IGSF10: variants seen among roughly 807,000 people sequenced by gnomAD.
The protein encoded by IGSF10 is calvaria mechanical force protein 608.
In IGSF10, 126 loss-of-function variants were observed where a neutral mutation model predicts 128.2. The ratio of observed to expected loss-of-function variants is 0.98; its 90% CI spans 0.85 to 1.14. The LOEUF (loss-of-function observed/expected upper bound fraction) is 1.14. Among genes scored for constraint, IGSF10 ranks in the 50% most tolerant of loss-of-function variants. The pLI, the probability that IGSF10 is intolerant of heterozygous loss-of-function variation, is 0.00. For synonymous variants in IGSF10, 1,185 were observed against 1,146.2 expected (o/e 1.03, Z -0.68); for missense variants, 3,295 against 3,149.8 (o/e 1.05, Z -1.10).
intron 4 of IGSF10, 82 bp downstream of exon 4, chr3:151,456,944 T>C: frequency 1.5e-6 from 2 of 1,377,014 alleles, no homozygotes; most frequent in Admixed American, 1.9e-5. Flanking sequence ...TCGTATTGTG[T>C]AGAGATAGGC....
the IGSF10 span, among the ~76,000 whole-genome samples, chr3:151,509,779 A>C: frequency 6.6e-6 from 1 of 152,188 alleles, no homozygotes; most frequent in Non-Finnish European, 1.5e-5. Flanking sequence ...TCCCACCCTA[A>C]TACTGCACTT....
chr3:151,518,171 G>T, the IGSF10 span, among the ~76,000 whole-genome samples: 8 of 151,948 alleles, frequency 5.3e-5, no homozygotes, highest in Admixed American at 1.3e-4. Context: ...AGTTTATACA[G>T]ACTGTAGTCA....
chr3:151,603,336 T>C, the IGSF10 span, among the ~76,000 whole-genome samples: 1 of 152,188 alleles, frequency 6.6e-6, no homozygotes, highest in African/African-American at 2.4e-5. Flanking sequence ...AACCTATTCA[T>C]GGGGTGGTTG....
At chr3:151,463,633 A>G (rs539875033), upstream of IGSF10, among the ~76,000 whole-genome samples, 3 of 125,698 alleles carry the variant, frequency 2.4e-5, no homozygotes, top group South Asian at 7.9e-4. Context: ...CACAACCTCC[A>G]CTTTCTGGGT....
chr3:151,445,508 C>T lies in IGSF10; in HGVS notation c.4473G>A (p.Ala1491=), dbSNP rs773444045. The change falls in exon 6 of 8, where the codon GCG becomes GCA. Residue 1491 remains alanine, a synonymous_variant. Coordinates refer to ENST00000282466, the MANE Select transcript of IGSF10 (RefSeq NM_178822.5). ...TTGTCATAAGCCCGGAAATGGGAGT[C>T]GCCACGTTGTCAGTAACTGCTCTCT... ...FTQRAVTDNV[A]TPISGLMTNT... 10 of 1,613,982 alleles carry T rather than the reference C, an allele frequency of 6.2e-6. No individual in the cohort carries two copies. The highest frequency in any genetic ancestry group is 3.3e-5 in the Admixed American group (2 of 59,986).
At chr3:151,605,020 A>G in the IGSF10 span, among the ~76,000 whole-genome samples, 4 of 152,214 alleles carry the variant, frequency 2.6e-5, no homozygotes, top group Non-Finnish European at 5.9e-5. Context: ...CATCTAACAC[A>G]TGTATTTTCT....
upstream of IGSF10, among the ~76,000 whole-genome samples, chr3:151,464,358 C>T (rs1482116137): frequency 1.3e-5 from 2 of 152,154 alleles, no homozygotes; most frequent in Non-Finnish European, 1.5e-5. Context: ...ACATCTTCTT[C>T]ACCTTTTATA....
chr3:151,558,010 A>ATATATAT, the IGSF10 span, among the ~76,000 whole-genome samples: 4 of 25,696 alleles, frequency 1.6e-4, no homozygotes, highest in East Asian at 1.3e-3. Context: ...TATATAATAT[A>ATATATAT]TATATATAAT....
chr3:151,513,907 C>T, the IGSF10 span, among the ~76,000 whole-genome samples: 70,607 of 151,900 alleles, frequency 0.46, 16,764 homozygotes, highest in South Asian at 0.58. Context: ...AGGAATCCAA[C>T]TTACAAGGAA....
At chr3:151,528,631 A>T in the IGSF10 span, among the ~76,000 whole-genome samples, 3 of 152,282 alleles carry the variant, frequency 2.0e-5, no homozygotes, top group South Asian at 6.2e-4. Context: ...TAGCCAAGGG[A>T]AGCCATGAGA....
At position 151,438,177 on chromosome 3, in the gene IGSF10, A is replaced by T. The variant is rs762243774; in HGVS notation, c.6384T>A (p.Asp2128Glu). Reference protein sequence around the residue: ...TCYAQNTLGKDEMKVHLTVIT... With the variant: ...TCYAQNTLGKEEMKVHLTVIT... ...TAACTGTTAAGTGGACCTTCATTTC[A>T]TCTTTCCCTAGGGTGTTCTGGGCAT... The change falls in exon 8 of 8, where the codon GAT becomes GAA. Residue 2128 changes from aspartate to glutamate, a missense_variant. Physicochemically the swap from Asp to Glu is conservative, Grantham distance 45. Transcript: ENST00000282466. 1 of 1,614,080 alleles carries T rather than the reference A, an allele frequency of 6.2e-7. No individual in the cohort carries two copies. Among genetic ancestry groups the T allele is most frequent in the Admixed American group, 1.7e-5 (1 of 60,008 alleles).
the IGSF10 span, among the ~76,000 whole-genome samples, chr3:151,602,463 C>T: frequency 2.0e-5 from 3 of 152,188 alleles, no homozygotes; most frequent in East Asian, 5.8e-4. Context: ...AAAACACTTT[C>T]TGGGTCAGCT....
chr3:151,588,712 A>T, the IGSF10 span, among the ~76,000 whole-genome samples: 3 of 152,306 alleles, frequency 2.0e-5, no homozygotes, highest in East Asian at 5.8e-4. Flanking sequence ...CATGGTGAGG[A>T]AGACAAAATC....
the IGSF10 span, among the ~76,000 whole-genome samples, chr3:151,510,131 T>G: frequency 6.6e-6 from 1 of 152,170 alleles, no homozygotes; most frequent in African/African-American, 2.4e-5. Context: ...AGAGTAGTGG[T>G]TCTCCCAGCA....
the IGSF10 span, among the ~76,000 whole-genome samples, chr3:151,491,505 G>C: frequency 6.6e-6 from 1 of 152,188 alleles, no homozygotes; most frequent in African/African-American, 2.4e-5. Context: ...TTGAACCCAA[G>C]AGGTAGAGAT....
intron 5 of IGSF10, among the ~76,000 whole-genome samples, chr3:151,451,623 C>T (rs1359594122): frequency 6.6e-6 from 1 of 152,176 alleles, no homozygotes; most frequent in Admixed American, 6.5e-5. Context: ...ACAGTAACAA[C>T]TGACAAATTG....
rs1205878760 is a variant in IGSF10 at position 151,437,322 on chromosome 3, A to G, written c.7239T>C (p.Ala2413=). 1 of 1,614,208 alleles carries G rather than the reference A, an allele frequency of 6.2e-7. No homozygotes were observed. The highest frequency in any genetic ancestry group is 1.1e-5 in the South Asian group (1 of 91,088). The change falls in exon 8 of 8, where the codon GCT becomes GCC. Residue 2413 remains alanine, a synonymous_variant. Transcript: ENST00000282466. ...TCTCAATATAGCCAACTTTATTCCT[A>G]GCTGCACAGCGATATTTTCCTGCAT... ...REDAGKYRCA[A]RNKVGYIEKL... is the part of the protein sequence containing the mutation.
chr3:151,472,377 G>A, the IGSF10 span, among the ~76,000 whole-genome samples: 1 of 152,026 alleles, frequency 6.6e-6, no homozygotes, highest in African/African-American at 2.4e-5. Context: ...TCCTTTTTTG[G>A]GGGATCCCTG....
At chr3:151,441,413 A>G (rs1720839682) in intron 7 of IGSF10, among the ~76,000 whole-genome samples, 1 of 152,202 alleles carries the variant, frequency 6.6e-6, no homozygotes. Flanking sequence ...ACAAATTTCA[A>G]TTTAATTTAG....
Sources: allele counts gnomAD v4.1 joint callset (sites outside exome capture counted in the v4.1 genomes callset), GRCh38; gene constraint gnomAD v4.1.1; transcripts MANE v1.5; gene names NCBI Gene and HGNC (gene_info 2026-07-23, HGNC 2026-07-21).